The following MRTFB variants were observed in gnomAD, a reference collection of about 807,000 sequenced individuals.
The protein encoded by MRTFB is myocardin related transcription factor B.
In MRTFB, 29 loss-of-function variants were observed where a neutral mutation model predicts 104.2. The ratio of observed to expected loss-of-function variants is 0.28; its 90% CI spans 0.21 to 0.38. The LOEUF (loss-of-function observed/expected upper bound fraction) is 0.38, where lower values mean the gene tolerates loss of function less well. Among genes scored for constraint, MRTFB ranks in the 10% least tolerant of loss-of-function variants. The probability of loss-of-function intolerance (pLI) is 1.00; values close to 1 mark genes in which losing one functional copy is unlikely to be tolerated. For synonymous variants in MRTFB, 535 were observed against 519.5 expected (o/e 1.03, Z -0.41); for missense variants, 1,270 against 1,341.6 (o/e 0.95, Z 0.83).
At chr16:14,113,951 G>A (rs2036406208) in intron 2 of MRTFB, among the ~76,000 whole-genome samples, 1 of 152,114 alleles carries the variant, frequency 6.6e-6, no homozygotes, top group African/African-American at 2.4e-5. Flanking sequence ...TAGAACTAAT[G>A]TGTCAATGCT....
At chr16:14,125,015 G>C (rs2037041098) in intron 2 of MRTFB, among the ~76,000 whole-genome samples, 1 of 152,060 alleles carries the variant, frequency 6.6e-6, no homozygotes, top group Non-Finnish European at 1.5e-5. Context: ...GTTTTCTTTT[G>C]TACTTTGATA....
chr16:14,230,291 TTAAAC>T (rs1188184380), intron 8 of MRTFB, among the ~76,000 whole-genome samples: 5 of 152,144 alleles, frequency 3.3e-5, no homozygotes, highest in Non-Finnish European at 5.9e-5. Context: ...TGGGATCTAC[TTAAAC>T]TAAAGAGCTT....
At position 14,247,164 on chromosome 16, in the gene MRTFB, G is replaced by C. The variant is rs1312993088; in HGVS notation, c.1904G>C (p.Gly635Ala). 3.7e-6 allele frequency: 6 copies of C among 1,614,112 alleles called. No homozygotes were observed. The highest frequency in any genetic ancestry group is 1.1e-5 in the South Asian group (1 of 91,076). Residue 635 changes from glycine to alanine, a missense_variant, in exon 12 of 17, where the codon GGC (glycine) becomes GCC (alanine). By Grantham distance (60) the Gly-to-Ala change is moderately conservative. This residue lies in a region of MRTFB where 1,144 missense variants were observed against 1,131.5 expected (regional missense o/e 1.01). Transcript: ENST00000571589. The part of the protein sequence containing the change: ...VKSDQKHGSL[G>A]SSIKDEASLP... ...TCAGATCAGAAGCACGGCAGCCTTG[G>C]CTCCTCCATCAAAGATGAGGCCTCA...
At chr16:14,164,208 C>T (rs572842177) in intron 3 of MRTFB, among the ~76,000 whole-genome samples, 5 of 152,274 alleles carry the variant, frequency 3.3e-5, no homozygotes, top group African/African-American at 1.2e-4. Context: ...CCCCAGCACC[C>T]GCCCCACACT....
At chr16:14,069,301 G>A (rs1011890486), upstream of MRTFB, among the ~76,000 whole-genome samples, 5 of 148,852 alleles carry the variant, frequency 3.4e-5, no homozygotes, top group Admixed American at 6.7e-5. Flanking sequence ...TCTAGGACTC[G>A]CTCCAGTGGC....
At chr16:14,255,786 A>G (rs1021281834) in intron 15 of MRTFB, among the ~76,000 whole-genome samples, 5 of 151,932 alleles carry the variant, frequency 3.3e-5, no homozygotes, top group Admixed American at 2.0e-4. Context: ...TATAGTAACA[A>G]TTTAAAAGAT....
chr16:14,167,380 A>C (rs770864938), intron 3 of MRTFB, among the ~76,000 whole-genome samples: 3 of 149,972 alleles, frequency 2.0e-5, no homozygotes, highest in Middle Eastern at 3.4e-3. Context: ...AATTTGTTTG[A>C]GTTTCTTGTA....
chr16:14,031,901 G>A, the MRTFB span, among the ~76,000 whole-genome samples: 2 of 152,068 alleles, frequency 1.3e-5, no homozygotes, highest in Admixed American at 6.6e-5. Context: ...TCCGTCTCCC[G>A]GGTTCATGCG....
chr16:14,245,655 T>C lies in MRTFB; in HGVS notation c.1207T>C (p.Leu403=). Residue 403 remains leucine, a synonymous_variant, in exon 11 of 17, where the codon TTA becomes CTA. Coordinates refer to ENST00000571589, the MANE Select transcript of MRTFB (RefSeq NM_001308142.2). Reference sequence around the variant, plus strand: ...ACCTCTGCCTTCTAGCCTGGATGACTTAAAGGTGACAATTGCAACTGGAGC... The same window carrying C: ...ACCTCTGCCTTCTAGCCTGGATGACCTAAAGGTGACAATTGCAACTGGAGC... ...PGPLPSSLDD[L]KVSELKTELK... is the part of the protein sequence containing the mutation. The C allele has an allele frequency of 6.2e-7, 1 of 1,608,054 alleles. No homozygotes were observed. The highest frequency in any genetic ancestry group is 8.5e-7 in the Non-Finnish European group (1 of 1,178,658).
chr16:14,046,854 T>G, the MRTFB span, among the ~76,000 whole-genome samples: 2 of 152,268 alleles, frequency 1.3e-5, no homozygotes, highest in Non-Finnish European at 1.5e-5. Flanking sequence ...CAATTCTTTA[T>G]GCAGTGATTA....
At chr16:14,032,699 G>T in the MRTFB span, among the ~76,000 whole-genome samples, 41 of 152,246 alleles carry the variant, frequency 2.7e-4, no homozygotes, top group African/African-American at 9.9e-4. Flanking sequence ...TTATGGATCT[G>T]GGCCCTTAAC....
the MRTFB span, among the ~76,000 whole-genome samples, chr16:14,047,305 A>G: frequency 6.6e-6 from 1 of 152,100 alleles, no homozygotes; most frequent in Non-Finnish European, 1.5e-5. Context: ...TCTTTCCCTT[A>G]TGGTCATAGG....
At chr16:14,039,760 C>CTTT in the MRTFB span, among the ~76,000 whole-genome samples, 8 of 121,930 alleles carry the variant, frequency 6.6e-5, no homozygotes, top group Non-Finnish European at 1.0e-4. Flanking sequence ...ATAATATGTT[C>CTTT]TTTTTTTTTT....
chr16:14,259,804 C>T (rs1238485586), intron 16 of MRTFB, among the ~76,000 whole-genome samples: 1 of 152,168 alleles, frequency 6.6e-6, no homozygotes, highest in African/African-American at 2.4e-5. Flanking sequence ...TTAGATGACA[C>T]TTAAAGCTTT....
At chr16:14,067,030 T>C (rs2033533063), upstream of MRTFB, among the ~76,000 whole-genome samples, 1 of 152,074 alleles carries the variant, frequency 6.6e-6, no homozygotes, top group South Asian at 2.1e-4. Flanking sequence ...GGTCTTGTTA[T>C]GCCCACCCCT....
rs796650282 is a variant in MRTFB at position 14,116,165 on chromosome 16, A to AT, written c.-63-24369dup. ...TCCTGCCCTTCAATAGCCACTCCTCATTTTTTTTTTCTTGCAAACATATTT... is the reference window on the plus strand; with the variant it reads ...TCCTGCCCTTCAATAGCCACTCCTCATTTTTTTTTTTCTTGCAAACATATTT... On this transcript the variant is annotated intron_variant, in intron 2 of 16. Transcript: ENST00000571589. 8.9e-3 allele frequency among the ~76,000 whole-genome samples: 1,294 copies of AT among 146,034 alleles called. 19 individuals are homozygous for AT. The highest frequency in any genetic ancestry group is 0.03 in the African/African-American group (1,203 of 39,748).
At chr16:14,070,411 T>C (rs1357417454), upstream of MRTFB, among the ~76,000 whole-genome samples, 1 of 152,244 alleles carries the variant, frequency 6.6e-6, no homozygotes, top group Non-Finnish European at 1.5e-5. Context: ...GTCACACTTT[T>C]CTGTGTGCTA....
intron 3 of MRTFB, among the ~76,000 whole-genome samples, chr16:14,171,134 C>T (rs2039408574): frequency 6.6e-6 from 1 of 152,204 alleles, no homozygotes; most frequent in East Asian, 1.9e-4. Flanking sequence ...ACAAAATGTT[C>T]TAGGCTCAAC....
chr16:14,156,981 C>CT, intron 3 of MRTFB, among the ~76,000 whole-genome samples: 1 of 152,318 alleles, frequency 6.6e-6, no homozygotes. Flanking sequence ...CCACTCCCCA[C>CT]TCCCCCATGC....
Sources: allele counts gnomAD v4.1 joint callset (sites outside exome capture counted in the v4.1 genomes callset), GRCh38; gene constraint gnomAD v4.1.1; regional missense constraint gnomAD v4.1.1; transcripts MANE v1.5; gene names NCBI Gene and HGNC (gene_info 2026-07-23, HGNC 2026-07-21).